LDLRAD3: variants seen among roughly 807,000 people sequenced by gnomAD.
The protein encoded by LDLRAD3 is low density lipoprotein receptor class A domain containing 3.
Under a neutral mutation model 29.4 loss-of-function variants are expected in LDLRAD3, and 20 were observed. The ratio of observed to expected loss-of-function variants is 0.68; its 90% confidence interval spans 0.48 to 0.99. The LOEUF (loss-of-function observed/expected upper bound fraction) is 0.99. Ranked by LOEUF, LDLRAD3 falls within the 50% of genes least tolerant of loss-of-function variation. The pLI, the probability that LDLRAD3 is intolerant of heterozygous loss-of-function variation, is 0.00. For synonymous variants in LDLRAD3, 157 were observed against 192.7 expected, an observed-to-expected ratio of 0.81 and a Z score of 1.53; for missense variants, 420 against 454.3, an observed-to-expected ratio of 0.92 and a Z score of 0.69.
rs570132015 is a variant in LDLRAD3 at position 35,987,899 on chromosome 11, T to C, written c.46+43755T>C. On this transcript the variant is annotated intron_variant, in intron 1 of 5. Coordinates refer to ENST00000315571, the MANE Select transcript of LDLRAD3 (RefSeq NM_174902.4). Reference sequence around the variant, plus strand: ...ATTCCCATCAACTGTGTATAAGCGTTCCGTTTGCTCCACAGCCTCACCAGC... The same window carrying C: ...ATTCCCATCAACTGTGTATAAGCGTCCCGTTTGCTCCACAGCCTCACCAGC... Among the ~76,000 whole-genome samples, 3 of 152,360 alleles carry C rather than the reference T, an allele frequency of 2.0e-5. No individual in the cohort carries two copies. The East Asian group carries it at 5.8e-4, about 29-fold the overall frequency.
intron 4 of LDLRAD3, among the ~76,000 whole-genome samples, chr11:36,201,372 C>T (rs1855124664): frequency 6.6e-6 from 1 of 152,208 alleles, no homozygotes; most frequent in Admixed American, 6.5e-5. Context: ...GAAGTAATCA[C>T]ATCACATTTT....
chr11:36,051,284 G>C (rs1425462451), intron 2 of LDLRAD3, among the ~76,000 whole-genome samples: 1 of 152,164 alleles, frequency 6.6e-6, no homozygotes, highest in Non-Finnish European at 1.5e-5. Flanking sequence ...AGTCAGGCAG[G>C]GCCACATAAG....
intron 4 of LDLRAD3, among the ~76,000 whole-genome samples, chr11:36,194,996 T>C (rs1206091045): frequency 6.6e-6 from 1 of 152,164 alleles, no homozygotes; most frequent in African/African-American, 2.4e-5. Flanking sequence ...CAATCAACCT[T>C]GGGAAAGTTC....
chr11:36,213,979 T>A lies in LDLRAD3; in HGVS notation c.455-13106T>A, dbSNP rs1296855383. Among the ~76,000 whole-genome samples, 3 of 152,234 alleles carry A rather than the reference T, an allele frequency of 2.0e-5. No homozygotes were observed. Among genetic ancestry groups the A allele is most frequent in the African/African-American group, 7.2e-5 (3 of 41,464 alleles). On this transcript the variant is annotated intron_variant, in intron 4 of 5. Coordinates refer to ENST00000315571, the MANE Select transcript of LDLRAD3 (RefSeq NM_174902.4). The surrounding 1 kb of genome is among the most constrained non-coding windows in gnomAD (Gnocchi z 4.1). ...CACTCGGCTCAAATTTAAAACAGTC[T>A]TCAGTGTTCATCTAAACTTTGTGGC...
chr11:36,031,807 C>T (rs1251755609), intron 1 of LDLRAD3, among the ~76,000 whole-genome samples: 3 of 152,190 alleles, frequency 2.0e-5, no homozygotes, highest in South Asian at 2.1e-4. Context: ...TTAGTTTGCT[C>T]GGGCTGCTGT....
At chr11:35,994,134 A>G (rs1038830739) in intron 1 of LDLRAD3, among the ~76,000 whole-genome samples, 1 of 151,970 alleles carries the variant, frequency 6.6e-6, no homozygotes, top group African/African-American at 2.4e-5. Context: ...CCGGGAGCCT[A>G]CCATACCTCA....
At chr11:36,219,607 A>T (rs1473068919) in intron 4 of LDLRAD3, among the ~76,000 whole-genome samples, 1 of 152,220 alleles carries the variant, frequency 6.6e-6, no homozygotes, top group African/African-American at 2.4e-5. Context: ...AAATGGGGAG[A>T]TGAAAAGAAC....
At chr11:36,040,409 C>A (rs1228626887) in intron 2 of LDLRAD3, among the ~76,000 whole-genome samples, 1 of 151,974 alleles carries the variant, frequency 6.6e-6, no homozygotes, top group Non-Finnish European at 1.5e-5. Flanking sequence ...CCTGGAAGTT[C>A]TCATTCAGGC....
chr11:36,134,825 A>C (rs1367782082), intron 4 of LDLRAD3, among the ~76,000 whole-genome samples: 3 of 152,222 alleles, frequency 2.0e-5, no homozygotes, highest in Non-Finnish European at 4.4e-5. Flanking sequence ...AGAATAGCTC[A>C]GAATTGGCAA....
At chr11:36,123,480 T>C (rs1477597093) in intron 4 of LDLRAD3, among the ~76,000 whole-genome samples, 1 of 152,264 alleles carries the variant, frequency 6.6e-6, no homozygotes, top group Non-Finnish European at 1.5e-5. Flanking sequence ...AGCCCAGCTC[T>C]ATAAGCATAT....
At chr11:36,091,970 A>G (rs16928387) in intron 3 of LDLRAD3, among the ~76,000 whole-genome samples, 7,001 of 152,286 alleles carry the variant, frequency 0.046, 398 homozygotes, top group African/African-American at 0.13. Flanking sequence ...TGAGCCAAGT[A>G]AATAGCTGCA....
intron 1 of LDLRAD3, among the ~76,000 whole-genome samples, chr11:36,004,679 C>T (rs1343868300): frequency 2.0e-5 from 3 of 152,254 alleles, no homozygotes; most frequent in Non-Finnish European, 2.9e-5. Flanking sequence ...CATTTCCCGT[C>T]TACATTGCCC....
At chr11:36,018,215 A>G (rs1269925895) in intron 1 of LDLRAD3, among the ~76,000 whole-genome samples, 1 of 152,188 alleles carries the variant, frequency 6.6e-6, no homozygotes, top group East Asian at 1.9e-4. Flanking sequence ...TTTGTAAAGC[A>G]TCAGTGATTT....
In LDLRAD3 at chr11:36,231,902, G is replaced by A. The variant is rs1855581072; in HGVS notation, c.*2505G>A. On this transcript the variant is annotated 3_prime_UTR_variant, in exon 6 of 6. Transcript: ENST00000315571. ...TCTTTTTTTCTCAAATGAGATCCGT[G>A]TTTTATTTTAGCATTAAATTAGTTA... 1 of 151,994 alleles carries A rather than the reference G, an allele frequency of 6.6e-6. No individual in the cohort carries two copies. The highest frequency in any genetic ancestry group is 2.4e-5 in the African/African-American group (1 of 41,374). The allele number at this position is 151,994 out of a possible 1,614,324, so 9.4% of individuals were successfully genotyped here.
chr11:36,148,150 G>A (rs886290856), intron 4 of LDLRAD3, among the ~76,000 whole-genome samples: 1 of 152,104 alleles, frequency 6.6e-6, no homozygotes, highest in African/African-American at 2.4e-5. Context: ...GATTACAGGC[G>A]TGAGCCACCA....
intron 2 of LDLRAD3, among the ~76,000 whole-genome samples, chr11:36,065,619 C>T (rs1852778053): frequency 6.6e-6 from 1 of 152,190 alleles, no homozygotes; most frequent in Non-Finnish European, 1.5e-5. Flanking sequence ...TTTCAAGTTA[C>T]ATCATGACAC....
chr11:36,217,833 C>G (rs1437619621), intron 4 of LDLRAD3, among the ~76,000 whole-genome samples: 1 of 152,184 alleles, frequency 6.6e-6, no homozygotes, highest in South Asian at 2.1e-4. Context: ...CTTCGCATGG[C>G]CTTTGCCCTT....
At chr11:36,090,530 C>T (rs747300799) in intron 3 of LDLRAD3, among the ~76,000 whole-genome samples, 20 of 152,172 alleles carry the variant, frequency 1.3e-4, no homozygotes, top group Non-Finnish European at 2.2e-4. Context: ...GACTTGTTCC[C>T]CGGAAAAGGC....
intron 1 of LDLRAD3, among the ~76,000 whole-genome samples, chr11:35,994,459 G>C (rs916435801): frequency 1.3e-5 from 2 of 149,594 alleles, no homozygotes; most frequent in African/African-American, 4.9e-5. Context: ...TTTATTGCTA[G>C]AAAGTGCTAA....
Sources: gnomAD v4.1 joint callset for allele counts (sites outside exome capture counted in the v4.1 genomes callset) on GRCh38, gnomAD v4.1.1 for gene constraint, Gnocchi (gnomAD v3.1) non-coding constraint, MANE v1.5 for transcripts, NCBI Gene and HGNC (gene_info 2026-07-23, HGNC 2026-07-21) for gene names.